SLC34A2: variants seen among roughly 807,000 people sequenced by gnomAD.
The protein encoded by SLC34A2 is solute carrier family 34 member 2.
In SLC34A2, 41 loss-of-function variants were observed where a neutral mutation model predicts 50.8. The observed-to-expected ratio is 0.81, with a 90% CI of 0.63 to 1.05. SLC34A2 has a LOEUF of 1.05. SLC34A2 is among the 50% of genes least tolerant of loss of function. SLC34A2 has a pLI of 0.00. For synonymous variants in SLC34A2, 401 were observed against 364.2 expected (o/e 1.10, Z -1.15); for missense variants, 879 against 876.7 (o/e 1.00, Z -0.03).
intron 10 of SLC34A2, 109 bp from the exon 11 acceptor site, chr4:25,674,187 C>T: frequency 1.3e-6 from 1 of 763,944 alleles, no homozygotes; most frequent in South Asian, 1.4e-5. Flanking sequence ...AATCTGAGAC[C>T]ATATATGGGA....
At chr4:25,669,388 C>A (rs958420378) in intron 6 of SLC34A2, among the ~76,000 whole-genome samples, 1 of 152,160 alleles carries the variant, frequency 6.6e-6, no homozygotes, top group Non-Finnish European at 1.5e-5. Context: ...TGCAATTCTT[C>A]GAAACAGTGA....
Position 25,662,829 on chromosome 4 carries a change from G to A in SLC34A2, c.237G>A (p.Gly79=), listed in dbSNP as rs1714280624. The A allele has an allele frequency of 1.2e-6, 2 of 1,614,076 alleles. No individual in the cohort carries two copies. The highest frequency in any genetic ancestry group is 1.7e-6 in the Non-Finnish European group (2 of 1,180,020). Residue 79 remains glycine (G), a synonymous_variant, in exon 3 of 13, where the codon GGG becomes GGA. Coordinates refer to ENST00000382051, the MANE Select transcript of SLC34A2 (RefSeq NM_006424.3). ...ACCTACCCACTCTTCAGGACTCGGGGATCAAGTGGTCAGGTAAAAGTGAGG... is the reference window on the plus strand; with the variant it reads ...ACCTACCCACTCTTCAGGACTCGGGAATCAAGTGGTCAGGTAAAAGTGAGG... ...PWNLPTLQDS[G]IKWSERDTKG...
intron 12 of SLC34A2, among the ~76,000 whole-genome samples, chr4:25,675,524 C>T (rs571944244): frequency 5.8e-4 from 89 of 152,300 alleles, no homozygotes; most frequent in Admixed American, 1.6e-3. Context: ...ATAAATTAAC[C>T]GCATATGTCA....
intron 1 of SLC34A2, among the ~76,000 whole-genome samples, chr4:25,656,248 G>T (rs1405396715): frequency 1.3e-5 from 2 of 152,110 alleles, no homozygotes; most frequent in South Asian, 2.1e-4. Flanking sequence ...TTGTGGCTGG[G>T]TCACCAACTA....
intron 6 of SLC34A2, among the ~76,000 whole-genome samples, chr4:25,668,567 G>A (rs562386256): frequency 1.8e-4 from 27 of 151,994 alleles, no homozygotes; most frequent in Admixed American, 4.6e-4. Flanking sequence ...GCTTGAACCC[G>A]GGAGGCGGAG....
rs561439704 is a variant in SLC34A2 at position 25,677,247 on chromosome 4, G to A, written c.*498G>A. 6 of 172,458 alleles carry A rather than the reference G, an allele frequency of 3.5e-5. No individual in the cohort carries two copies. In the South Asian group the frequency reaches 8.6e-4, roughly 25 times the overall value. The allele number at this position is 172,458 out of a possible 1,614,324, so 10.7% of individuals were successfully genotyped here. A position where few individuals can be genotyped will look rare whatever the true frequency, so the allele number is the denominator to read the frequency against. On this transcript the variant is annotated 3_prime_UTR_variant, in exon 13 of 13. Coordinates refer to ENST00000382051, the MANE Select transcript of SLC34A2 (RefSeq NM_006424.3). ...GGCCTCCTTGCCCCAGATCAGCCTG[G>A]GTCAGGGGACATAGTGTCATTGTTT...
At chr4:25,657,210 T>C (rs1284988983) in intron 1 of SLC34A2, among the ~76,000 whole-genome samples, 1 of 152,182 alleles carries the variant, frequency 6.6e-6, no homozygotes, top group Non-Finnish European at 1.5e-5. Flanking sequence ...TGATTGTTGC[T>C]GTTAGACACA....
chr4:25,671,233 C>T (rs1284072653), intron 8 of SLC34A2, among the ~76,000 whole-genome samples: 1 of 152,208 alleles, frequency 6.6e-6, no homozygotes, highest in African/African-American at 2.4e-5. Flanking sequence ...AGTATTCCCC[C>T]TGCTCGGGCC....
intron 1 of SLC34A2, among the ~76,000 whole-genome samples, chr4:25,657,878 C>T (rs569856086): frequency 1.3e-5 from 2 of 152,282 alleles, no homozygotes; most frequent in South Asian, 2.1e-4. Flanking sequence ...TAGGTGTGAG[C>T]CACCACCCTT....
At chr4:25,674,273 C>A in intron 10 of SLC34A2, 23 bp from the exon 11 acceptor site, 1 of 1,594,382 alleles carries the variant, frequency 6.3e-7, no homozygotes, top group South Asian at 1.1e-5. Context: ...GAGGCCATGA[C>A]ATCTCTTCCT....
In SLC34A2 at chr4:25,678,406, C is replaced by T. The variant is rs930507872; in HGVS notation, c.*1657C>T. 2.6e-5 allele frequency: 4 copies of T among 155,222 alleles called. 1 individual carries two copies. The highest frequency in any genetic ancestry group is 2.5e-4 in the Admixed American group (4 of 15,828). 9.6% of individuals were successfully genotyped at this position (155,222 alleles called of 1,614,324 possible). A position where few individuals can be genotyped will look rare whatever the true frequency, so the allele number is the denominator to read the frequency against. Reference sequence around the variant, plus strand: ...TTCTATGAAATGTAAAGAAAGAAACCACTTTGTATATTTTGTAATACCACC... The same window carrying T: ...TTCTATGAAATGTAAAGAAAGAAACTACTTTGTATATTTTGTAATACCACC... On this transcript the variant is annotated 3_prime_UTR_variant, in exon 13 of 13. Transcript: ENST00000382051.
chr4:25,671,580 T>C, intron 8 of SLC34A2, 21 bp from the exon 9 acceptor site: 1 of 1,613,588 alleles, frequency 6.2e-7, no homozygotes, highest in East Asian at 2.2e-5. Context: ...GTTGTGGGCA[T>C]TTGTCATGTT....
intron 1 of SLC34A2, among the ~76,000 whole-genome samples, chr4:25,658,158 C>CTCT (rs1403300137): frequency 6.6e-6 from 1 of 152,184 alleles, no homozygotes; most frequent in Non-Finnish European, 1.5e-5. Context: ...AAAGGAGACT[C>CTCT]TAAGTTTACA....
At chr4:25,667,315 C>A (rs1714550707) in intron 5 of SLC34A2, among the ~76,000 whole-genome samples, 1 of 152,130 alleles carries the variant, frequency 6.6e-6, no homozygotes, top group East Asian at 1.9e-4. Context: ...AATCTGAGAC[C>A]AGCCTGACCA....
intron 4 of SLC34A2, 27 bp downstream of exon 4, chr4:25,664,357 C>T (rs571594491): frequency 3.1e-6 from 5 of 1,613,132 alleles, no homozygotes; most frequent in African/African-American, 2.7e-5. Context: ...GAGAGGTCTG[C>T]GGGTGAGGGG....
chr4:25,668,640 TAA>T (rs201811688), intron 6 of SLC34A2, among the ~76,000 whole-genome samples: 19 of 141,354 alleles, frequency 1.3e-4, no homozygotes, highest in Admixed American at 2.1e-4. Flanking sequence ...AGACTCCATC[TAA>T]AAAAAAAAAA....
At chr4:25,672,341 A>G (rs1714862379) in intron 9 of SLC34A2, among the ~76,000 whole-genome samples, 1 of 152,202 alleles carries the variant, frequency 6.6e-6, no homozygotes, top group Non-Finnish European at 1.5e-5. Context: ...CACATAGAAC[A>G]GATGTATTCA....
At position 25,664,262 on chromosome 4, in the gene SLC34A2, T is replaced by C; in HGVS notation, c.311T>C (p.Leu104Pro). The C allele has an allele frequency of 6.2e-7, 1 of 1,613,590 alleles. No homozygotes were observed. Among genetic ancestry groups the C allele is most frequent in the Non-Finnish European group, 8.5e-7 (1 of 1,179,668 alleles). Residue 104 changes from leucine (L) to proline (P), a missense_variant, in exon 4 of 13, where the codon CTT (leucine) becomes CCT (proline). Leu to Pro is a moderately conservative substitution (Grantham distance 98, BLOSUM62 -3). Transcript: ENST00000382051. Reference sequence around the variant, plus strand: ...CAAGGGATTGGGAGATTGATTTTACTTCTCGGATTTCTCTACTTTTTCGTG... The same window carrying C: ...CAAGGGATTGGGAGATTGATTTTACCTCTCGGATTTCTCTACTTTTTCGTG... ...FFQGIGRLILLLGFLYFFVCS... is the reference protein window; with the variant it reads ...FFQGIGRLILPLGFLYFFVCS...
At chr4:25,670,676 G>T in intron 7 of SLC34A2, 62 bp from the exon 8 acceptor site, 1 of 1,328,032 alleles carries the variant, frequency 7.5e-7, no homozygotes, top group Non-Finnish European at 1.1e-6. Context: ...CAACCCCCTG[G>T]GTTTGTGTCC....
Sources: gnomAD v4.1 joint callset for allele counts (sites outside exome capture counted in the v4.1 genomes callset) on GRCh38, gnomAD v4.1.1 for gene constraint, MANE v1.5 for transcripts, NCBI Gene and HGNC (gene_info 2026-07-23, HGNC 2026-07-21) for gene names.